PRICKLE2: variants seen among roughly 807,000 people sequenced by gnomAD.
PRICKLE2 encodes the protein prickle planar cell polarity protein 2.
Under a neutral mutation model 81.4 loss-of-function variants are expected in PRICKLE2, and 21 were observed. That is an observed-to-expected ratio of 0.26 (90% CI 0.18 to 0.37). The LOEUF (loss-of-function observed/expected upper bound fraction) is 0.37. PRICKLE2 is among the 10% of genes least tolerant of loss of function. The pLI is 1.00. For missense variants in PRICKLE2, 940 were observed against 1,109.0 expected (o/e 0.85, Z 2.16); for synonymous variants, 456 against 421.5 (o/e 1.08, Z -1.00).
At chr3:64,151,134 C>T (rs1329844114) in intron 6 of PRICKLE2, among the ~76,000 whole-genome samples, 1 of 152,312 alleles carries the variant, frequency 6.6e-6, no homozygotes, top group Non-Finnish European at 1.5e-5. Flanking sequence ...CTCTGAGCGG[C>T]TGTATAAATA....
intron 1 of PRICKLE2, among the ~76,000 whole-genome samples, chr3:64,222,104 G>A (rs2078964688): frequency 6.6e-6 from 1 of 152,156 alleles, no homozygotes; most frequent in Admixed American, 6.5e-5. Flanking sequence ...GTCAGTACCA[G>A]GAATTGGGCA....
At chr3:64,124,005 G>A (rs2077069556) in intron 7 of PRICKLE2, among the ~76,000 whole-genome samples, 1 of 152,142 alleles carries the variant, frequency 6.6e-6, no homozygotes. Flanking sequence ...GTCAAGACAG[G>A]CCAAAAGCTA....
At position 64,147,195 on chromosome 3, in the gene PRICKLE2, C is replaced by T; in HGVS notation, c.1295G>A (p.Gly432Glu). The change falls in exon 7 of 8, where the codon GGG becomes GAG. Residue 432 changes from glycine to glutamate, a missense_variant. By Grantham distance (98) the Gly-to-Glu change is moderately conservative. Around this residue, in one of 2 missense-constraint regions of PRICKLE2, gnomAD observed 670 missense variants for 717.2 expected, o/e 0.93. Coordinates refer to ENST00000638394, the MANE Select transcript of PRICKLE2 (RefSeq NM_198859.4). The surrounding 1 kb of genome is among the most constrained non-coding windows in gnomAD (Gnocchi z 5.0). ...TTCGGGCTGGGCCCCAGCCCCTTGC[C>T]CTCCTGGACTGTAGGAAGTTCTGAT... Reference protein sequence around the residue: ...CNIRTSYSPGGQGAGAQPEMW... With the variant: ...CNIRTSYSPGEQGAGAQPEMW... The T allele has an allele frequency of 6.2e-7, 1 of 1,612,724 alleles. No homozygotes were observed. Among genetic ancestry groups the T allele is most frequent in the Non-Finnish European group, 8.5e-7 (1 of 1,179,320 alleles).
At chr3:64,174,316 T>C (rs1200185741) in intron 2 of PRICKLE2, 3 of 152,188 alleles carry the variant, frequency 2.0e-5, no homozygotes, top group African/African-American at 7.2e-5. Context: ...TCCTTATCTC[T>C]AGGACTAGAA....
chr3:64,162,879 T>C, intron 3 of PRICKLE2, 137 bp downstream of exon 3: 3 of 772,780 alleles, frequency 3.9e-6, no homozygotes, highest in South Asian at 2.7e-5. Flanking sequence ...ATTTTGGCCC[T>C]AATTAAGGAA....
chr3:64,148,288 T>C (rs1341722431), intron 6 of PRICKLE2, among the ~76,000 whole-genome samples: 2 of 152,210 alleles, frequency 1.3e-5, no homozygotes, highest in African/African-American at 4.8e-5. Flanking sequence ...CCACACTAAA[T>C]AGTGATTCTC....
chr3:64,113,820 C>A (rs1472365272), intron 7 of PRICKLE2, among the ~76,000 whole-genome samples: 3 of 152,126 alleles, frequency 2.0e-5, no homozygotes, highest in Non-Finnish European at 2.9e-5. Context: ...GGCACCCAAA[C>A]CTGCCCCAGC....
chr3:64,151,737 C>T (rs1207859814), intron 6 of PRICKLE2, among the ~76,000 whole-genome samples: 2 of 152,202 alleles, frequency 1.3e-5, no homozygotes, highest in Admixed American at 6.5e-5. Context: ...CTTCCACACA[C>T]GTCTTGTCAC....
In PRICKLE2 at chr3:64,147,594, G is replaced by A. The variant is rs1342755436; in HGVS notation, c.896C>T (p.Pro299Leu). ...TGAGCAGAATATCTGGCCCTGCTTC[G>A]GGAGGAATGGCCGCCCCAGGAGGGA... ...KKSLLGRPFL[P>L]KQGQIFCSRA... The change falls in exon 7 of 8, where the codon CCG becomes CTG. Residue 299 changes from proline (P) to leucine (L), a missense_variant. Pro to Leu is a moderately conservative substitution (Grantham distance 98, BLOSUM62 -3). This residue lies in a region of PRICKLE2 where 270 missense variants were observed against 391.8 expected (regional missense o/e 0.69). Transcript: ENST00000638394. This position sits in a 1 kb window ranked among gnomAD's most constrained non-coding sequence, Gnocchi z 5.0. The A allele has an allele frequency of 1.9e-6, 3 of 1,614,224 alleles. No homozygotes were observed. Among genetic ancestry groups the A allele is most frequent in the Non-Finnish European group, 2.5e-6 (3 of 1,180,040 alleles).
rs1003999546 is a variant in PRICKLE2 at position 64,109,971 on chromosome 3, T to A, written c.1661-10046A>T. On this transcript the variant is annotated intron_variant, in intron 7 of 7. Coordinates refer to ENST00000638394, the MANE Select transcript of PRICKLE2 (RefSeq NM_198859.4). ...CTTGCTCATCCTATTAACTTCCGGA[T>A]AAATCAGTGACCCCAATAAAGATGG... Among the ~76,000 whole-genome samples the A allele has an allele frequency of 1.1e-4, 17 of 152,154 alleles. 1 individual carries two copies. Among genetic ancestry groups the A allele is most frequent in the Admixed American group, 9.2e-4 (14 of 15,274 alleles).
intron 2 of PRICKLE2, among the ~76,000 whole-genome samples, chr3:64,246,616 T>C (rs898082414): frequency 9.9e-5 from 15 of 152,144 alleles, no homozygotes; most frequent in African/African-American, 3.4e-4. Context: ...CCCCAATGTG[T>C]TTTTCAGCGA....
chr3:64,177,033 C>T (rs1349923015), intron 2 of PRICKLE2, among the ~76,000 whole-genome samples: 4 of 151,166 alleles, frequency 2.6e-5, no homozygotes, highest in African/African-American at 7.3e-5. Context: ...ATATCTCAAA[C>T]ACCACCAAAA....
chr3:64,225,922 T>C (rs2079025646), upstream of PRICKLE2, among the ~76,000 whole-genome samples: 1 of 151,948 alleles, frequency 6.6e-6, no homozygotes, highest in Non-Finnish European at 1.5e-5. Flanking sequence ...TCAACTTTCA[T>C]TTTCGGGTGT....
At chr3:64,161,077 G>C (rs193249108) in intron 3 of PRICKLE2, among the ~76,000 whole-genome samples, 54 of 152,250 alleles carry the variant, frequency 3.5e-4, no homozygotes, top group Admixed American at 9.2e-4. Context: ...CTAAAACAGA[G>C]ATCCCTGACG....
intron 2 of PRICKLE2, among the ~76,000 whole-genome samples, chr3:64,256,737 C>G (rs774180886): frequency 5.9e-5 from 9 of 152,160 alleles, no homozygotes; most frequent in African/African-American, 1.2e-4. Flanking sequence ...AACCTCACCC[C>G]TTCCAAGCAT....
intron 7 of PRICKLE2, among the ~76,000 whole-genome samples, chr3:64,125,229 T>TA (rs142911821): frequency 0.016 from 2,378 of 152,300 alleles, 61 homozygotes; most frequent in African/African-American, 0.055. Context: ...TGTTGCTTTT[T>TA]ATGGATGAGA....
At chr3:64,104,139 T>G (rs990885952) in intron 7 of PRICKLE2, among the ~76,000 whole-genome samples, 2 of 152,226 alleles carry the variant, frequency 1.3e-5, no homozygotes, top group African/African-American at 4.8e-5. Context: ...GTCAGGGCAA[T>G]AGCAGCTGGG....
chr3:64,242,059 G>T (rs893009681), intron 2 of PRICKLE2, among the ~76,000 whole-genome samples: 2 of 152,120 alleles, frequency 1.3e-5, no homozygotes, highest in Admixed American at 1.3e-4. Context: ...TGGGAAGCTT[G>T]GGATGCCAAG....
At chr3:64,188,886 G>A (rs779207690) in intron 2 of PRICKLE2, among the ~76,000 whole-genome samples, 2 of 152,160 alleles carry the variant, frequency 1.3e-5, no homozygotes, top group Non-Finnish European at 2.9e-5. Context: ...GACAAAGCCT[G>A]TCAACTCCTT....
Sources: allele counts gnomAD v4.1 joint callset (sites outside exome capture counted in the v4.1 genomes callset), GRCh38; gene constraint gnomAD v4.1.1; regional missense constraint gnomAD v4.1.1; non-coding constraint Gnocchi (gnomAD v3.1); transcripts MANE v1.5; gene names NCBI Gene and HGNC (gene_info 2026-07-23, HGNC 2026-07-21).